The following PTPRD variants were observed in gnomAD, a reference collection of about 807,000 sequenced individuals.
PTPRD encodes protein tyrosine phosphatase receptor type D.
Under a neutral mutation model 214.5 loss-of-function variants are expected in PTPRD, and 34 were observed. The observed-to-expected ratio is 0.16, with a 90% confidence interval of 0.12 to 0.21. The LOEUF (loss-of-function observed/expected upper bound fraction) is 0.21. Ranked by LOEUF, PTPRD falls within the 10% of genes least tolerant of loss-of-function variation. The pLI is 1.00. For missense variants in PTPRD, 2,545 were observed against 2,398.7 expected, an observed-to-expected ratio of 1.06 and a Z score of -1.27; for synonymous variants, 1,128 against 845.7, an observed-to-expected ratio of 1.33 and a Z score of -5.79.
intron 12 of PTPRD, among the ~76,000 whole-genome samples, chr9:8,686,982 G>A (rs117106102): frequency 6.6e-6 from 1 of 152,154 alleles, no homozygotes; most frequent in African/African-American, 2.4e-5. Flanking sequence ...TCCCCCGGGG[G>A]AGAAGAGCCT....
intron 5 of PTPRD, among the ~76,000 whole-genome samples, chr9:9,873,960 T>C (rs1282603276): frequency 6.6e-6 from 1 of 152,088 alleles, no homozygotes; most frequent in African/African-American, 2.4e-5. Context: ...TTATTATATA[T>C]AAAAGAAAGA....
chr9:8,849,111 T>A, intron 11 of PTPRD, among the ~76,000 whole-genome samples: 1 of 152,058 alleles, frequency 6.6e-6, no homozygotes. Context: ...TGTGAGAGGT[T>A]TCTAATGAAT....
chr9:8,558,000 C>T (rs1255689669), intron 14 of PTPRD, among the ~76,000 whole-genome samples: 1 of 151,616 alleles, frequency 6.6e-6, no homozygotes, highest in East Asian at 1.9e-4. Flanking sequence ...ACTGTGAAGC[C>T]TGAAAAAAAA....
At chr9:10,447,941 ACTGT>A (rs1169565090) in intron 2 of PTPRD, among the ~76,000 whole-genome samples, 40 of 152,004 alleles carry the variant, frequency 2.6e-4, no homozygotes, top group Non-Finnish European at 5.3e-4. Context: ...GAATAATCAT[ACTGT>A]CTAACAGTTT....
At chr9:10,544,994 T>C (rs1366852749) in intron 2 of PTPRD, among the ~76,000 whole-genome samples, 4 of 152,214 alleles carry the variant, frequency 2.6e-5, no homozygotes, top group Non-Finnish European at 5.9e-5. Flanking sequence ...ATCTCTCTTT[T>C]CTTTAACTTT....
intron 5 of PTPRD, among the ~76,000 whole-genome samples, chr9:9,896,867 T>C (rs1321377283): frequency 6.6e-6 from 1 of 152,056 alleles, no homozygotes; most frequent in Admixed American, 6.6e-5. Context: ...AGAAAAATCA[T>C]TAACTGGAGA....
intron 2 of PTPRD, among the ~76,000 whole-genome samples, chr9:10,559,604 C>T (rs574177965): frequency 2.6e-5 from 4 of 151,996 alleles, no homozygotes; most frequent in Admixed American, 6.6e-5. Flanking sequence ...AAGAAGCTAC[C>T]ATCAGAGTGA....
chr9:10,511,004 C>G (rs753414445), intron 2 of PTPRD, among the ~76,000 whole-genome samples: 15 of 151,870 alleles, frequency 9.9e-5, no homozygotes, highest in Non-Finnish European at 2.2e-4. Flanking sequence ...TTCTCCACTT[C>G]CATCCATGTT....
chr9:9,420,609 T>C (rs2078421844), intron 8 of PTPRD, among the ~76,000 whole-genome samples: 1 of 151,958 alleles, frequency 6.6e-6, no homozygotes, highest in African/African-American at 2.4e-5. Context: ...GTGCACTGAA[T>C]GTTTAATGCA....
At chr9:9,970,855 A>G (rs2095058596) in intron 4 of PTPRD, among the ~76,000 whole-genome samples, 1 of 152,186 alleles carries the variant, frequency 6.6e-6, no homozygotes, top group Non-Finnish European at 1.5e-5. Flanking sequence ...TCACACTGGA[A>G]CATGGCGCTA....
chr9:9,289,908 CA>C (rs59045736), intron 9 of PTPRD, among the ~76,000 whole-genome samples: 1 of 151,530 alleles, frequency 6.6e-6, no homozygotes, highest in Non-Finnish European at 1.5e-5. Flanking sequence ...AATAATGCTG[CA>C]AAAAAACATA....
chr9:8,638,839 T>C (rs2096506976), intron 12 of PTPRD, among the ~76,000 whole-genome samples: 1 of 152,096 alleles, frequency 6.6e-6, no homozygotes, highest in African/African-American at 2.4e-5. Flanking sequence ...ATTTTTTATT[T>C]ATTTTTATTT....
intron 5 of PTPRD, among the ~76,000 whole-genome samples, chr9:9,805,802 C>A (rs1412199328): frequency 2.0e-5 from 3 of 152,040 alleles, no homozygotes; most frequent in Middle Eastern, 3.2e-3. Flanking sequence ...CATTAATGTT[C>A]CTCTTGAACT....
At chr9:9,572,567 ATATAT>A (rs2086813254) in intron 8 of PTPRD, among the ~76,000 whole-genome samples, 1 of 74,470 alleles carries the variant, frequency 1.3e-5, no homozygotes, top group African/African-American at 4.4e-5. Context: ...ATATGTATAT[ATATAT>A]ATATATATGT....
intron 2 of PTPRD, among the ~76,000 whole-genome samples, chr9:10,543,451 C>G (rs1044743735): frequency 5.4e-5 from 8 of 148,550 alleles, no homozygotes; most frequent in Non-Finnish European, 1.2e-4. Context: ...CTTAACTCTA[C>G]CAGTTTGAAG....
intron 7 of PTPRD, among the ~76,000 whole-genome samples, chr9:9,608,502 A>G (rs1481224326): frequency 1.3e-5 from 2 of 152,144 alleles, no homozygotes; most frequent in Non-Finnish European, 2.9e-5. Context: ...AAAGTAACCA[A>G]TGGTCCTTTA....
At chr9:8,589,630 A>G (rs115807321) in intron 14 of PTPRD, among the ~76,000 whole-genome samples, 1,799 of 152,216 alleles carry the variant, frequency 0.012, 30 homozygotes, top group African/African-American at 0.039. Context: ...ACACAATCCA[A>G]TTTCTGTAGA....
intron 3 of PTPRD, among the ~76,000 whole-genome samples, chr9:10,054,648 T>C (rs575433666): frequency 6.6e-6 from 1 of 152,126 alleles, no homozygotes; most frequent in East Asian, 1.9e-4. Context: ...TCTGTTTCAC[T>C]GGGAGAGTAG....
chr9:9,845,409 G>T (rs2059345139), intron 5 of PTPRD, among the ~76,000 whole-genome samples: 1 of 151,520 alleles, frequency 6.6e-6, no homozygotes, highest in African/African-American at 2.4e-5. Flanking sequence ...GGACCACCAG[G>T]GCATAGATTA....
Sources: gnomAD v4.1 joint callset for allele counts (sites outside exome capture counted in the v4.1 genomes callset) on GRCh38, gnomAD v4.1.1 for gene constraint, MANE v1.5 for transcripts, NCBI Gene and HGNC (gene_info 2026-07-23, HGNC 2026-07-21) for gene names.